CDKL5: variants seen among roughly 807,000 people sequenced by gnomAD.
The protein encoded by CDKL5 is cyclin-dependent kinase-like 5.
CDKL5 carries 8 observed loss-of-function variants against 61.7 expected under a neutral mutation model. The ratio of observed to expected loss-of-function variants is 0.13; its 90% confidence interval spans 0.08 to 0.23. The LOEUF is 0.23. CDKL5 is among the 10% of genes least tolerant of loss of function. CDKL5 has a pLI of 1.00. For synonymous variants in CDKL5, 275 were observed against 272.3 expected (o/e 1.01, Z -0.10); for missense variants, 440 against 734.5 (o/e 0.60, Z 4.63).
intron 1 of CDKL5, among the ~76,000 whole-genome samples, chrX:18,489,579 T>G (rs1190495943): frequency 9.0e-6 from 1 of 111,350 alleles, no homozygotes; most frequent in Non-Finnish European, 1.9e-5. Flanking sequence ...GAGATTCTAT[T>G]GATTCCAGGT....
At chrX:18,514,949 C>T (rs1922962471) in intron 3 of CDKL5, among the ~76,000 whole-genome samples, 1 of 109,748 alleles carries the variant, frequency 9.1e-6, no homozygotes, top group African/African-American at 3.3e-5. Flanking sequence ...TAGGCGCGCA[C>T]CAACATGCCC....
At chrX:18,505,842 G>T (rs776956893) in intron 1 of CDKL5, among the ~76,000 whole-genome samples, 1 of 112,671 alleles carries the variant, frequency 8.9e-6, no homozygotes, top group African/African-American at 3.2e-5. Context: ...TTTGAGATTA[G>T]ATAATATCCT....
At chrX:18,458,720 C>CAA (rs369611875) in intron 1 of CDKL5, among the ~76,000 whole-genome samples, 1 of 99,193 alleles carries the variant, frequency 1.0e-5, no homozygotes. Context: ...GACCCTGTCT[C>CAA]AAAAAAAAAA....
intron 4 of CDKL5, among the ~76,000 whole-genome samples, chrX:18,565,329 T>G (rs758712701): frequency 1.8e-5 from 2 of 112,024 alleles, no homozygotes; most frequent in Non-Finnish European, 3.8e-5. Context: ...TATGTAACAC[T>G]ATATGTAAAT....
intron 3 of CDKL5, among the ~76,000 whole-genome samples, chrX:18,553,465 CGTGTGTGTGTGTGTGTGTGT>C (rs201802099): frequency 6.6e-5 from 6 of 90,829 alleles, no homozygotes; most frequent in Non-Finnish European, 9.0e-5. Context: ...TGTGTGTGTG[CGTGTGTGTGTGTGTGTGTGT>C]GTGTGTGTGT....
chrX:18,600,623 T>C (rs1335682597), intron 11 of CDKL5, among the ~76,000 whole-genome samples: 1 of 112,003 alleles, frequency 8.9e-6, no homozygotes, highest in African/African-American at 3.2e-5. Context: ...AGTGACTCAC[T>C]TGAGAGACAG....
chrX:18,606,174 T>A (rs1926357406), intron 12 of CDKL5, among the ~76,000 whole-genome samples: 1 of 96,898 alleles, frequency 1.0e-5, no homozygotes, highest in South Asian at 4.8e-4. Flanking sequence ...AGCAAGACTG[T>A]CACACACACA....
intron 1 of CDKL5, chrX:18,426,900 G>A (rs1337175535): frequency 2.7e-5 from 3 of 111,905 alleles, no homozygotes; most frequent in Non-Finnish European, 5.6e-5. Context: ...CATCTTCACC[G>A]AGGCTATTCG....
chrX:18,469,419 C>T (rs1461195901), intron 1 of CDKL5, among the ~76,000 whole-genome samples: 2 of 103,948 alleles, frequency 1.9e-5, no homozygotes, highest in African/African-American at 7.1e-5. Flanking sequence ...GAGGCCGAGG[C>T]GGGTGGATCA....
chrX:18,570,877 C>T (rs1225971016), intron 4 of CDKL5, among the ~76,000 whole-genome samples: 3 of 111,417 alleles, frequency 2.7e-5, no homozygotes, highest in African/African-American at 9.8e-5. Context: ...AGAAGTAGGA[C>T]AGTTTTTGGG....
chrX:18,432,982 C>G (rs779604483), intron 1 of CDKL5, among the ~76,000 whole-genome samples: 1 of 111,642 alleles, frequency 9.0e-6, no homozygotes, highest in Non-Finnish European at 1.9e-5. Flanking sequence ...AATCCCAGCA[C>G]TTTGGCAGGC....
At chrX:18,502,027 C>T (rs1015527525) in intron 1 of CDKL5, among the ~76,000 whole-genome samples, 3 of 111,821 alleles carry the variant, frequency 2.7e-5, no homozygotes, top group African/African-American at 6.5e-5. Flanking sequence ...AAGAGTGATT[C>T]GTTTTCAGAA....
chrX:18,547,640 C>G (rs752724575), intron 3 of CDKL5, among the ~76,000 whole-genome samples: 28 of 111,739 alleles, frequency 2.5e-4, no homozygotes, highest in African/African-American at 8.1e-4. Flanking sequence ...GTAGTTTTGT[C>G]TCTTCCTCCT....
chrX:18,611,889 T>C (rs1291230365), intron 14 of CDKL5, among the ~76,000 whole-genome samples: 1 of 112,023 alleles, frequency 8.9e-6, no homozygotes, highest in South Asian at 3.7e-4. Flanking sequence ...GGTGGTATCA[T>C]TGAAATAACA....
intron 7 of CDKL5, among the ~76,000 whole-genome samples, chrX:18,583,811 C>T (rs1925557248): frequency 8.9e-6 from 1 of 112,065 alleles, no homozygotes; most frequent in African/African-American, 3.2e-5. Context: ...TAGAATTGCT[C>T]AGCAACAGTA....
At chrX:18,477,148 G>A (rs1238714984) in intron 1 of CDKL5, among the ~76,000 whole-genome samples, 2 of 110,560 alleles carry the variant, frequency 1.8e-5, no homozygotes, top group East Asian at 5.7e-4. Context: ...CTGGAGCACA[G>A]TGTTGTGAGC....
intron 4 of CDKL5, among the ~76,000 whole-genome samples, chrX:18,571,698 G>A (rs1925139659): frequency 9.0e-6 from 1 of 111,332 alleles, no homozygotes; most frequent in Non-Finnish European, 1.9e-5. Flanking sequence ...ATAAAGTGCA[G>A]GGCAGGCCAG....
intron 1 of CDKL5, among the ~76,000 whole-genome samples, chrX:18,467,983 T>C (rs1285856689): frequency 8.9e-6 from 1 of 112,087 alleles, no homozygotes; most frequent in East Asian, 2.8e-4. Flanking sequence ...TGTTAAGTGA[T>C]GATTGAAATG....
chrX:18,541,563 C>T (rs887486399), intron 3 of CDKL5, among the ~76,000 whole-genome samples: 3 of 111,720 alleles, frequency 2.7e-5, no homozygotes, highest in African/African-American at 9.8e-5. Flanking sequence ...CAGGGTGTCA[C>T]TCTATCACCC....
Sources: allele counts gnomAD v4.1 joint callset (sites outside exome capture counted in the v4.1 genomes callset), GRCh38; gene constraint gnomAD v4.1.1; transcripts MANE v1.5; gene names NCBI Gene and HGNC (gene_info 2026-07-23, HGNC 2026-07-21).